SH3RF3: variants seen among roughly 807,000 people sequenced by gnomAD.
SH3RF3 encodes SH3 domain containing ring finger 3, also known as E3 ubiquitin-protein ligase SH3RF3.
SH3RF3 carries 29 observed loss-of-function variants against 66.3 expected under a neutral mutation model. The observed-to-expected ratio is 0.44, with a 90% confidence interval of 0.33 to 0.60. The LOEUF (loss-of-function observed/expected upper bound fraction) is 0.60, where lower values mean the gene tolerates loss of function less well. SH3RF3 is among the 20% of genes least tolerant of loss of function. SH3RF3 has a pLI of 0.04. For missense variants in SH3RF3, 1,194 were observed against 1,190.9 expected, an observed-to-expected ratio of 1.00 and a Z score of -0.04; for synonymous variants, 583 against 532.0, an observed-to-expected ratio of 1.10 and a Z score of -1.32.
At chr2:109,300,325 G>A (rs748613751) in intron 1 of SH3RF3, among the ~76,000 whole-genome samples, 1 of 151,946 alleles carries the variant, frequency 6.6e-6, no homozygotes, top group African/African-American at 2.4e-5. Context: ...GACTATAGTC[G>A]CACGCCACCA....
chr2:109,449,617 A>G, intron 8 of SH3RF3, 128 bp downstream of exon 8: 1 of 1,223,374 alleles, frequency 8.2e-7, no homozygotes, highest in Non-Finnish European at 1.1e-6. Flanking sequence ...CTGCCCCTAG[A>G]TGAACCAGGC....
intron 8 of SH3RF3, among the ~76,000 whole-genome samples, chr2:109,490,390 G>T (rs1679098030): frequency 6.6e-6 from 1 of 152,138 alleles, no homozygotes; most frequent in East Asian, 1.9e-4. Flanking sequence ...GGCCCTCACT[G>T]GTTCACCCGT....
At chr2:109,277,368 C>CT (rs1680780358) in intron 1 of SH3RF3, among the ~76,000 whole-genome samples, 1 of 152,164 alleles carries the variant, frequency 6.6e-6, no homozygotes, top group Non-Finnish European at 1.5e-5. Context: ...ATTTACTGCT[C>CT]TTTATGTGAC....
intron 1 of SH3RF3, among the ~76,000 whole-genome samples, chr2:109,246,191 T>C (rs1444636577): frequency 6.6e-6 from 1 of 152,258 alleles, no homozygotes; most frequent in Non-Finnish European, 1.5e-5. Context: ...TTCAAGCTGC[T>C]GTAACAAAAT....
chr2:109,458,602 A>AGAGAGAGAGAGAGAGAGAG (rs1553524399), intron 8 of SH3RF3, among the ~76,000 whole-genome samples: 1 of 39,932 alleles, frequency 2.5e-5, no homozygotes, highest in African/African-American at 6.4e-5. Context: ...GAGAGAGAGA[A>AGAGAGAGAGAGAGAGAGAG]TTTATTTATT....
At chr2:109,435,453 G>A (rs1421133704) in intron 6 of SH3RF3, among the ~76,000 whole-genome samples, 1 of 152,234 alleles carries the variant, frequency 6.6e-6, no homozygotes, top group African/African-American at 2.4e-5. Context: ...TCCACCACCT[G>A]TGTTTGCCCC....
At chr2:109,390,331 CCTT>C (rs1182952499) in intron 3 of SH3RF3, among the ~76,000 whole-genome samples, 5 of 152,198 alleles carry the variant, frequency 3.3e-5, no homozygotes, top group African/African-American at 7.2e-5. Context: ...AATCAGCGGT[CCTT>C]CTGCTCACAG....
chr2:109,254,439 G>C (rs995803676), intron 1 of SH3RF3, among the ~76,000 whole-genome samples: 1 of 152,118 alleles, frequency 6.6e-6, no homozygotes, highest in Non-Finnish European at 1.5e-5. Flanking sequence ...ATGGATTAAT[G>C]CTGTAAAGTA....
intron 2 of SH3RF3, among the ~76,000 whole-genome samples, chr2:109,360,631 T>C (rs1285446821): frequency 1.3e-5 from 2 of 152,232 alleles, no homozygotes; most frequent in South Asian, 2.1e-4. Context: ...ACTCAGCCTG[T>C]ATATAGGAAA....
intron 1 of SH3RF3, among the ~76,000 whole-genome samples, chr2:109,340,780 G>A (rs1419737868): frequency 6.6e-6 from 1 of 152,158 alleles, no homozygotes; most frequent in Non-Finnish European, 1.5e-5. Context: ...TCTGCTTTAT[G>A]GGAAAACTAA....
At chr2:109,219,580 G>C (rs1439630775) in intron 1 of SH3RF3, among the ~76,000 whole-genome samples, 1 of 152,142 alleles carries the variant, frequency 6.6e-6, no homozygotes, top group Non-Finnish European at 1.5e-5. Flanking sequence ...AGTTTTCAGA[G>C]CTAGTAAATG....
At chr2:109,306,967 T>C (rs568676182) in intron 1 of SH3RF3, among the ~76,000 whole-genome samples, 3 of 152,366 alleles carry the variant, frequency 2.0e-5, no homozygotes, top group African/African-American at 7.2e-5. Context: ...GCTCAATTGC[T>C]TGCCGCTTGG....
chr2:109,491,827 G>A (rs1419747987), intron 9 of SH3RF3, among the ~76,000 whole-genome samples: 3 of 152,158 alleles, frequency 2.0e-5, no homozygotes, highest in Non-Finnish European at 4.4e-5. Flanking sequence ...TGGTGTTTCT[G>A]CCAGAACCTT....
At chr2:109,344,487 C>T (rs369381833) in intron 1 of SH3RF3, among the ~76,000 whole-genome samples, 12 of 152,324 alleles carry the variant, frequency 7.9e-5, no homozygotes, top group African/African-American at 2.4e-4. Flanking sequence ...TAGGGGACCT[C>T]GGCTGCCGTG....
chr2:109,349,615 C>A (rs1008123367), intron 2 of SH3RF3, among the ~76,000 whole-genome samples: 1 of 152,186 alleles, frequency 6.6e-6, no homozygotes, highest in East Asian at 1.9e-4. Context: ...GGAGACAGAC[C>A]CCATAATGGC....
At chr2:109,173,649 T>G (rs1179177134) in intron 1 of SH3RF3, among the ~76,000 whole-genome samples, 2 of 151,962 alleles carry the variant, frequency 1.3e-5, no homozygotes, top group Non-Finnish European at 2.9e-5. Flanking sequence ...CTGAGACTCA[T>G]TAGACAGTGG....
At chr2:109,441,831 A>G (rs1677572042) in intron 7 of SH3RF3, among the ~76,000 whole-genome samples, 1 of 152,212 alleles carries the variant, frequency 6.6e-6, no homozygotes, top group Non-Finnish European at 1.5e-5. Context: ...TGAAATAGAA[A>G]AAAAGATAAG....
chr2:109,287,675 C>T (rs1369861327), intron 1 of SH3RF3, among the ~76,000 whole-genome samples: 1 of 152,186 alleles, frequency 6.6e-6, no homozygotes, highest in Admixed American at 6.5e-5. Flanking sequence ...CTTCTGGGCC[C>T]TCCCTCGGAT....
In SH3RF3 at chr2:109,155,515, G is replaced by A. The variant is rs187286861; in HGVS notation, c.573+25402G>A. Among the ~76,000 whole-genome samples the A allele has an allele frequency of 3.5e-3, 537 of 152,176 alleles. 1 individual carries two copies. Among genetic ancestry groups the A allele is most frequent in the African/African-American group, 0.012 (487 of 41,520 alleles). Reference sequence around the variant, plus strand: ...ATGGGGTTTCACGGTGTTAGCCAGGGTGGTCTCGATCTCCTGACCTCGTGA... The same window carrying A: ...ATGGGGTTTCACGGTGTTAGCCAGGATGGTCTCGATCTCCTGACCTCGTGA... On this transcript the variant is annotated intron_variant, in intron 1 of 9. Transcript: ENST00000309415.
Sources: allele counts gnomAD v4.1 joint callset (sites outside exome capture counted in the v4.1 genomes callset), GRCh38; gene constraint gnomAD v4.1.1; transcripts MANE v1.5; gene names NCBI Gene and HGNC (gene_info 2026-07-23, HGNC 2026-07-21).